The following PDE4B variants were observed in gnomAD, a reference collection of about 807,000 sequenced individuals.
The protein encoded by PDE4B is phosphodiesterase 4B.
A neutral mutation model predicts 82.2 loss-of-function variants in PDE4B; 20 were observed. That is an observed-to-expected ratio of 0.24 (90% CI 0.17 to 0.35). The LOEUF is 0.35. Among genes scored for constraint, PDE4B ranks in the 10% least tolerant of loss-of-function variants. The probability of loss-of-function intolerance (pLI) is 1.00; values close to 1 mark genes in which losing one functional copy is unlikely to be tolerated. For missense variants in PDE4B, 655 were observed against 907.2 expected (o/e 0.72, Z 3.57); for synonymous variants, 320 against 318.9 (o/e 1.00, Z -0.04).
At chr1:65,936,722 T>C (rs1648167091) in intron 3 of PDE4B, among the ~76,000 whole-genome samples, 1 of 152,188 alleles carries the variant, frequency 6.6e-6, no homozygotes. Flanking sequence ...TTTTGGGAAC[T>C]ATCGGCCTAG....
In PDE4B at chr1:66,201,129, T is replaced by G. The variant is rs534772746; in HGVS notation, c.282-46331T>G. ...CATGTGGTTTTTGTCTTTGGTTCTGTTTATATGCTGGATTACATTTATTGA... is the reference window on the plus strand; with the variant it reads ...CATGTGGTTTTTGTCTTTGGTTCTGGTTATATGCTGGATTACATTTATTGA... On this transcript the variant is annotated intron_variant, in intron 3 of 16. Coordinates refer to ENST00000341517, the MANE Select transcript of PDE4B (RefSeq NM_002600.4). Among the ~76,000 whole-genome samples the G allele has an allele frequency of 5.3e-5, 8 of 152,370 alleles. No individual in the cohort carries two copies. In the East Asian group the frequency reaches 1.3e-3, roughly 26 times the overall value.
chr1:65,840,635 TA>T (rs936285243), intron 1 of PDE4B, among the ~76,000 whole-genome samples: 1 of 152,190 alleles, frequency 6.6e-6, no homozygotes, highest in African/African-American at 2.4e-5. Flanking sequence ...AGCCATCTCT[TA>T]TGTTATTTTG....
At chr1:66,110,091 C>T (rs1347618768) in intron 3 of PDE4B, among the ~76,000 whole-genome samples, 1 of 151,928 alleles carries the variant, frequency 6.6e-6, no homozygotes, top group Admixed American at 6.6e-5. Flanking sequence ...ACCATATAAA[C>T]CTGATTACTG....
chr1:65,793,451 G>T (rs1385122344), intron 1 of PDE4B, among the ~76,000 whole-genome samples: 1 of 152,182 alleles, frequency 6.6e-6, no homozygotes, highest in Non-Finnish European at 1.5e-5. Flanking sequence ...CTAGCCTTTC[G>T]CCCTCATCTT....
chr1:66,290,897 A>C (rs530242118), intron 7 of PDE4B, among the ~76,000 whole-genome samples: 2 of 152,146 alleles, frequency 1.3e-5, no homozygotes, highest in Non-Finnish European at 2.9e-5. Flanking sequence ...CAGAAGGATG[A>C]AGAAATTGAT....
chr1:65,998,749 T>G (rs1436550241), intron 3 of PDE4B, among the ~76,000 whole-genome samples: 1 of 151,732 alleles, frequency 6.6e-6, no homozygotes, highest in Non-Finnish European at 1.5e-5. Flanking sequence ...CCCACATGCA[T>G]CAAACAATCA....
intron 3 of PDE4B, among the ~76,000 whole-genome samples, chr1:66,207,401 T>C (rs905430182): frequency 1.3e-5 from 2 of 152,222 alleles, no homozygotes; most frequent in African/African-American, 4.8e-5. Flanking sequence ...TATTTTGATG[T>C]TGTAAATATT....
rs528723824 is a variant in PDE4B, at chr1:65,808,051, C to T, written c.-71+14803C>T. Among the ~76,000 whole-genome samples the T allele has an allele frequency of 4.6e-5, 7 of 152,220 alleles. No homozygotes were observed. In the South Asian group the frequency reaches 1.2e-3, roughly 27 times the overall value. ...GCATCGACCTCTAGACTGTATAATC[C>T]TCATCTAGTCCCAGAGACAGGATGG... On this transcript the variant is annotated intron_variant, in intron 1 of 16. Coordinates refer to ENST00000341517, the MANE Select transcript of PDE4B (RefSeq NM_002600.4).
At position 66,373,705 on chromosome 1, in the gene PDE4B, AT is replaced by A. The variant is rs1394107681; in HGVS notation, c.*1029del. The A allele has an allele frequency of 6.6e-6, 1 of 152,632 alleles. No individual in the cohort carries two copies. Among genetic ancestry groups the A allele is most frequent in the Non-Finnish European group, 1.5e-5 (1 of 68,042 alleles). 9.5% of individuals were successfully genotyped at this position (152,632 alleles called of 1,614,324 possible). A position where few individuals can be genotyped will look rare whatever the true frequency, so the allele number is the denominator to read the frequency against. The stretch of plus-strand genomic sequence containing the variant: ...TAAGTTATTAATTTATATATCTAAC[AT>A]TGCCTGCCAATGGTGGTGTTAAATT... On this transcript the variant is annotated 3_prime_UTR_variant, in exon 17 of 17. Transcript: ENST00000341517.
chr1:65,860,095 T>C (rs1041673181), intron 1 of PDE4B, among the ~76,000 whole-genome samples: 4 of 152,228 alleles, frequency 2.6e-5, no homozygotes, highest in African/African-American at 9.6e-5. Flanking sequence ...GTTAGTTACA[T>C]AGGTATACAT....
At chr1:66,123,623 A>G (rs572007282) in intron 3 of PDE4B, among the ~76,000 whole-genome samples, 1 of 146,362 alleles carries the variant, frequency 6.8e-6, no homozygotes, top group African/African-American at 2.5e-5. Flanking sequence ...TGCTTCTGTT[A>G]AGCTGGCAAA....
intron 2 of PDE4B, among the ~76,000 whole-genome samples, chr1:65,916,454 G>T (rs1005161995): frequency 2.0e-5 from 3 of 152,086 alleles, no homozygotes. Flanking sequence ...GGAGGTTAGG[G>T]TGGTTGGCGG....
chr1:65,883,159 G>C (rs768808703), intron 1 of PDE4B, among the ~76,000 whole-genome samples: 1 of 152,114 alleles, frequency 6.6e-6, no homozygotes, highest in Non-Finnish European at 1.5e-5. Context: ...GGTTCCATAT[G>C]AACTTTAAAG....
At chr1:66,076,663 T>C (rs1381437131) in intron 3 of PDE4B, among the ~76,000 whole-genome samples, 2 of 152,160 alleles carry the variant, frequency 1.3e-5, no homozygotes, top group Non-Finnish European at 2.9e-5. Context: ...TCTGCAGCCG[T>C]GCCAGCATCT....
chr1:66,250,351 T>C (rs564683582), intron 4 of PDE4B, among the ~76,000 whole-genome samples: 16 of 152,322 alleles, frequency 1.1e-4, no homozygotes, highest in African/African-American at 2.9e-4. Flanking sequence ...TTTTTATGAA[T>C]GGTGGAAAAC....
chr1:66,069,387 A>C (rs1656036350), intron 3 of PDE4B, among the ~76,000 whole-genome samples: 1 of 152,024 alleles, frequency 6.6e-6, no homozygotes, highest in Admixed American at 6.6e-5. Flanking sequence ...CCAAACTTCA[A>C]AGCAAATCTC....
At chr1:66,209,478 T>C (rs996402947) in intron 3 of PDE4B, among the ~76,000 whole-genome samples, 2 of 152,200 alleles carry the variant, frequency 1.3e-5, no homozygotes, top group African/African-American at 2.4e-5. Context: ...TTAGAGCTTA[T>C]GTTTACCAGA....
At chr1:65,962,916 G>T (rs1261132210) in intron 3 of PDE4B, among the ~76,000 whole-genome samples, 1 of 152,086 alleles carries the variant, frequency 6.6e-6, no homozygotes. Context: ...GGGAAAACTG[G>T]GTTGTATGTG....
intron 1 of PDE4B, among the ~76,000 whole-genome samples, chr1:65,887,120 C>T (rs1646787550): frequency 6.7e-6 from 1 of 150,186 alleles, no homozygotes; most frequent in Admixed American, 6.6e-5. Context: ...TTCCCTCCCT[C>T]CCTCCTTCCC....
Sources: gnomAD v4.1 joint callset for allele counts (sites outside exome capture counted in the v4.1 genomes callset) on GRCh38, gnomAD v4.1.1 for gene constraint, MANE v1.5 for transcripts, NCBI Gene and HGNC (gene_info 2026-07-23, HGNC 2026-07-21) for gene names.